Variants in GPR26 observed in about 807,000 individuals in gnomAD.
GPR26 encodes the protein G protein-coupled receptor 26.
GPR26 carries 15 observed loss-of-function variants against 23.1 expected under a neutral mutation model. The observed-to-expected ratio is 0.65, with a 90% CI of 0.43 to 1.00. The LOEUF is 1.00. Ranked by LOEUF, GPR26 falls within the 50% of genes least tolerant of loss-of-function variation. The pLI is 0.00. For synonymous variants in GPR26, 228 were observed against 222.1 expected, an observed-to-expected ratio of 1.03 and a Z score of -0.24; for missense variants, 359 against 470.5, an observed-to-expected ratio of 0.76 and a Z score of 2.19.
In GPR26 at chr10:123,695,799, C is replaced by T. The variant is rs182967637; in HGVS notation, c.*7639C>T. ...AACCTTCGAATGTCAAGTTCCCTTG[C>T]AAGCTGAAATTGTTCCAAACCTCAA... On this transcript the variant is annotated 3_prime_UTR_variant, in exon 3 of 3. Transcript: ENST00000284674. 6.6e-6 allele frequency among the ~76,000 whole-genome samples: 1 copy of T among 152,326 alleles called. No individual in the cohort carries two copies. Among genetic ancestry groups the T allele is most frequent in the East Asian group, 1.9e-4 (1 of 5,182 alleles).
rs759920012 is a variant in GPR26 at position 123,695,002 on chromosome 10, C to A, written c.*6842C>A. Among the ~76,000 whole-genome samples the A allele has an allele frequency of 5.9e-5, 9 of 152,232 alleles. No homozygotes were observed. The highest frequency in any genetic ancestry group is 1.9e-4 in the East Asian group (1 of 5,186). ...GGTCCTGATGGGCACTGCCACATACCCCCAGGACAAACGGAAAAATCCACA... is the reference window on the plus strand; with the variant it reads ...GGTCCTGATGGGCACTGCCACATACACCCAGGACAAACGGAAAAATCCACA... On this transcript the variant is annotated 3_prime_UTR_variant, in exon 3 of 3. Coordinates refer to ENST00000284674, the MANE Select transcript of GPR26 (RefSeq NM_153442.4).
chr10:123,685,256 A>T (rs991410589), intron 2 of GPR26, among the ~76,000 whole-genome samples: 3 of 152,184 alleles, frequency 2.0e-5, no homozygotes, highest in African/African-American at 7.2e-5. Flanking sequence ...GTCCCTCTCT[A>T]AAAGGTCATC....
At chr10:123,670,963 T>C (rs1023255188) in intron 1 of GPR26, among the ~76,000 whole-genome samples, 1 of 152,178 alleles carries the variant, frequency 6.6e-6, no homozygotes, top group Non-Finnish European at 1.5e-5. Context: ...ACTCTTAATG[T>C]GCAGGGCCCA....
chr10:123,691,970 T>C lies in GPR26; in HGVS notation c.*3810T>C, dbSNP rs1490179508. 1 of 152,198 alleles carries C rather than the reference T, an allele frequency of 6.6e-6. No individual in the cohort carries two copies. Among genetic ancestry groups the C allele is most frequent in the Non-Finnish European group, 1.5e-5 (1 of 68,034 alleles). The allele number at this position is 152,198 out of a possible 1,614,324, so 9.4% of individuals were successfully genotyped here. On this transcript the variant is annotated 3_prime_UTR_variant, in exon 3 of 3. Transcript: ENST00000284674. The stretch of plus-strand genomic sequence containing the variant: ...TTGAGTGTTTCTATTAATAACTATC[T>C]AGGTTTCAATTGTCTTGTATCTTTC...
In GPR26 at chr10:123,666,829, C is replaced by T; in HGVS notation, c.422C>T (p.Ala141Val). The change falls in exon 1 of 3, where the codon GCG (alanine) becomes GTG (valine). Residue 141 changes from alanine (A) to valine (V), a missense_variant. Ala to Val is a moderately conservative substitution (Grantham distance 64, BLOSUM62 0). Transcript: ENST00000284674. ...CACGCGCTCACCTTCCCAGCCGCCG[C>T]GCTCGCCCTGTCCTGGCTCGGCTTC... The part of the protein sequence containing the change: ...WLHALTFPAA[A>V]LALSWLGFHQ... 3 of 1,609,772 alleles carry T rather than the reference C, an allele frequency of 1.9e-6. No individual in the cohort carries two copies. Among genetic ancestry groups the T allele is most frequent in the Non-Finnish European group, 2.5e-6 (3 of 1,178,406 alleles).
chr10:123,666,416 G>T lies in GPR26; in HGVS notation c.9G>T (p.Ser3=). 1.3e-6 allele frequency: 2 copies of T among 1,501,298 alleles called. No homozygotes were observed. Among genetic ancestry groups the T allele is most frequent in the Admixed American group, 2.2e-5 (1 of 45,876 alleles). The allele number at this position is 1,501,298 out of a possible 1,614,324, so 93.0% of individuals were successfully genotyped here. MN[S]WDAGLAGLLV... The stretch of plus-strand genomic sequence containing the variant: ...GGCGCGGGGCGCGCACCATGAACTC[G>T]TGGGACGCGGGCCTGGCGGGGCTAC... Residue 3 remains serine (S), a synonymous_variant, in exon 1 of 3, where the codon TCG becomes TCT. Transcript: ENST00000284674.
At chr10:123,685,394 TG>T (rs1287793886) in intron 2 of GPR26, among the ~76,000 whole-genome samples, 1 of 152,294 alleles carries the variant, frequency 6.6e-6, no homozygotes, top group East Asian at 1.9e-4. Flanking sequence ...AGAGCTAGTG[TG>T]GAGCATAGCC....
chr10:123,677,706 G>C (rs1450524474), intron 2 of GPR26, among the ~76,000 whole-genome samples: 4 of 152,194 alleles, frequency 2.6e-5, no homozygotes, highest in Non-Finnish European at 5.9e-5. Flanking sequence ...TTCTGGGGCA[G>C]GAATGAGCTC....
rs1235370480 is a variant in GPR26 at position 123,689,013 on chromosome 10, T to C, written c.*853T>C. The C allele has an allele frequency of 6.6e-6, 1 of 152,214 alleles. No homozygotes were observed. Among genetic ancestry groups the C allele is most frequent in the Non-Finnish European group, 1.5e-5 (1 of 68,052 alleles). 9.4% of individuals were successfully genotyped at this position (152,214 alleles called of 1,614,324 possible). On this transcript the variant is annotated 3_prime_UTR_variant, in exon 3 of 3. Transcript: ENST00000284674. ...TGGCTGGTTGGTCCTCCCTTCCCCC[T>C]GTTTGTGACCTGAATTTACAGGAAG...
At chr10:123,680,489 C>A (rs1482635023) in intron 2 of GPR26, among the ~76,000 whole-genome samples, 1 of 152,212 alleles carries the variant, frequency 6.6e-6, no homozygotes, top group East Asian at 1.9e-4. Flanking sequence ...GGGAACCAGG[C>A]AGCCTGAGCC....
chr10:123,669,174 G>A (rs1272266539), intron 1 of GPR26, among the ~76,000 whole-genome samples: 1 of 152,240 alleles, frequency 6.6e-6, no homozygotes, highest in Non-Finnish European at 1.5e-5. Context: ...TGGGGCCGGG[G>A]TTGCCATCGG....
At chr10:123,670,206 C>G (rs1468311724) in intron 1 of GPR26, among the ~76,000 whole-genome samples, 1 of 152,202 alleles carries the variant, frequency 6.6e-6, no homozygotes, top group South Asian at 2.1e-4. Context: ...TGAGCAATGT[C>G]TGCAGATGTT....
At chr10:123,667,786 C>T (rs967962643) in intron 1 of GPR26, among the ~76,000 whole-genome samples, 9 of 152,110 alleles carry the variant, frequency 5.9e-5, no homozygotes, top group Admixed American at 4.6e-4. Flanking sequence ...TCCGTCGTCA[C>T]GCTGGCTGCT....
Position 123,673,040 on chromosome 10 carries a change from A to G in GPR26, c.669-1778A>G, listed in dbSNP as rs531773648. Among the ~76,000 whole-genome samples, 17 of 152,334 alleles carry G rather than the reference A, an allele frequency of 1.1e-4. No homozygotes were observed. In the East Asian group the frequency reaches 3.3e-3, roughly 29 times the overall value. ...ATGGCACACATATTATAGACTCAAG[A>G]AATGTGAGTTGCTAATTAATATTAA... On this transcript the variant is annotated intron_variant, in intron 1 of 2. Coordinates refer to ENST00000284674, the MANE Select transcript of GPR26 (RefSeq NM_153442.4).
rs1334795917 is a variant in GPR26, at chr10:123,694,837, A to G, written c.*6677A>G. On this transcript the variant is annotated 3_prime_UTR_variant, in exon 3 of 3. Transcript: ENST00000284674. Reference sequence around the variant, plus strand: ...CTCATTCATTTTGAGGGGCATCTTCATTACACAGCGTGGGGAGGGAAGCAT... The same window carrying G: ...CTCATTCATTTTGAGGGGCATCTTCGTTACACAGCGTGGGGAGGGAAGCAT... Among the ~76,000 whole-genome samples, 2 of 152,170 alleles carry G rather than the reference A, an allele frequency of 1.3e-5. No homozygotes were observed. The highest frequency in any genetic ancestry group is 4.2e-4 in the South Asian group (2 of 4,818).
chr10:123,685,781 C>A (rs1051816957), intron 2 of GPR26, among the ~76,000 whole-genome samples: 26 of 152,240 alleles, frequency 1.7e-4, no homozygotes, highest in Non-Finnish European at 2.9e-4. Flanking sequence ...AGGACTTGGA[C>A]TGCAGTTAGA....
chr10:123,696,507 G>T lies in GPR26; in HGVS notation c.*8347G>T, dbSNP rs73379658. On this transcript the variant is annotated 3_prime_UTR_variant, in exon 3 of 3. Transcript: ENST00000284674. ...GGGAGTCCAGTTAAGGAAACCTAAG[G>T]TATGTGCCAGCTGGTTTAGCATTCA... 0.025 allele frequency among the ~76,000 whole-genome samples: 3,839 copies of T among 152,280 alleles called. 166 individuals carry two copies. The highest frequency in any genetic ancestry group is 0.086 in the African/African-American group (3,558 of 41,536).
At position 123,667,104 on chromosome 10, in the gene GPR26, A is replaced by T. The variant is rs570493152; in HGVS notation, c.668+29A>T. ...AGCCGAGCGCAGCTAAGGCTCTGGGAACAGCCGCGCGGGATCTCGGCGGGA... is the reference window on the plus strand; with the variant it reads ...AGCCGAGCGCAGCTAAGGCTCTGGGTACAGCCGCGCGGGATCTCGGCGGGA... On this transcript the variant is annotated intron_variant, in intron 1 of 2. Transcript: ENST00000284674. The T allele has an allele frequency of 2.2e-5, 34 of 1,513,542 alleles. No homozygotes were observed. The African/African-American group carries it at 4.2e-4, about 19-fold the overall frequency. 93.8% of individuals were successfully genotyped at this position (1,513,542 alleles called of 1,614,324 possible). A position where few individuals can be genotyped will look rare whatever the true frequency, so the allele number is the denominator to read the frequency against.
At position 123,689,606 on chromosome 10, in the gene GPR26, C is replaced by T. The variant is rs1210012414; in HGVS notation, c.*1446C>T. 1 of 151,618 alleles carries T rather than the reference C, an allele frequency of 6.6e-6. No individual in the cohort carries two copies. Among genetic ancestry groups the T allele is most frequent in the African/African-American group, 2.4e-5 (1 of 40,868 alleles). 9.4% of individuals were successfully genotyped at this position (151,618 alleles called of 1,614,324 possible). ...GAATCAGATGGCTCATTCTCTCCTTCCAGCTCTTTACATCCTAACTTTGGA... is the reference window on the plus strand; with the variant it reads ...GAATCAGATGGCTCATTCTCTCCTTTCAGCTCTTTACATCCTAACTTTGGA... On this transcript the variant is annotated 3_prime_UTR_variant, in exon 3 of 3. Transcript: ENST00000284674.
Sources: allele counts gnomAD v4.1 joint callset (sites outside exome capture counted in the v4.1 genomes callset), GRCh38; gene constraint gnomAD v4.1.1; transcripts MANE v1.5; gene names NCBI Gene and HGNC (gene_info 2026-07-23, HGNC 2026-07-21).